Variants in ERGIC3 observed in about 807,000 individuals in gnomAD.
ERGIC3 encodes ERGIC and golgi 3, also known as endoplasmic reticulum-Golgi intermediate compartment protein 3.
A neutral mutation model predicts 54.7 loss-of-function variants in ERGIC3; 33 were observed. The ratio of observed to expected loss-of-function variants is 0.60; its 90% CI spans 0.46 to 0.81. ERGIC3 has a LOEUF of 0.81. Ranked by LOEUF, ERGIC3 falls within the 30% of genes least tolerant of loss-of-function variation. The pLI is 0.00. For synonymous variants in ERGIC3, 186 were observed against 189.8 expected (o/e 0.98, Z 0.16); for missense variants, 399 against 488.4 (o/e 0.82, Z 1.73).
chr20:35,553,020 A>ATTGTTTTTTTTTTTTTTTT (rs2064689768), intron 7 of ERGIC3, among the ~76,000 whole-genome samples: 1 of 41,552 alleles, frequency 2.4e-5, no homozygotes, highest in African/African-American at 8.3e-5. Flanking sequence ...AAAGCTGGGG[A>ATTGTTTTTTTTTTTTTTTT]TTTTTTTTTT....
intron 2 of ERGIC3, 24 bp from the exon 3 acceptor site, chr20:35,542,489 C>A (rs767473008): frequency 1.9e-6 from 3 of 1,613,938 alleles, no homozygotes; most frequent in Non-Finnish European, 2.5e-6. Context: ...GGGGCTAAGT[C>A]TTACTGAGGT....
intron 8 of ERGIC3, 80 bp downstream of exon 8, chr20:35,555,155 C>G: frequency 1.3e-6 from 2 of 1,514,520 alleles, no homozygotes; most frequent in Admixed American, 1.7e-5. Flanking sequence ...GTAGGAACAT[C>G]CTGGGATGGG....
At chr20:35,543,951 C>T (rs371091118) in intron 4 of ERGIC3, 19 of 320,062 alleles carry the variant, frequency 5.9e-5, no homozygotes, top group South Asian at 1.4e-4. Context: ...TTGGGTGATT[C>T]GGGATTAGGG....
intron 7 of ERGIC3, chr20:35,554,303 C>G (rs190866787): frequency 1.9e-6 from 3 of 1,594,544 alleles, no homozygotes; most frequent in African/African-American, 2.7e-5. Flanking sequence ...TGCAACATAT[C>G]TTGCTCTCAT....
intron 4 of ERGIC3, 125 bp downstream of exon 4, chr20:35,543,066 G>A (rs954230906): frequency 2.9e-5 from 42 of 1,438,934 alleles, no homozygotes; most frequent in Non-Finnish European, 3.5e-5. Flanking sequence ...GAAGTCAAGT[G>A]ACTTGCCTAG....
Position 35,542,877 on chromosome 20 carries a change from C to G in ERGIC3, c.303C>G (p.His101Gln). Residue 101 changes from histidine to glutamine, a missense_variant, in exon 4 of 13, where the codon CAC (histidine) becomes CAG (glutamine). Coordinates refer to ENST00000348547, the MANE Select transcript of ERGIC3 (RefSeq NM_015966.3). ...GAGAACAGCAGCTGGATGTGGAACA[C>G]AACCTGTTCAAGCAACGACTAGATA... ...VAGEQQLDVE[H>Q]NLFKQRLDKD... 1 of 1,614,106 alleles carries G rather than the reference C, an allele frequency of 6.2e-7. No homozygotes were observed. The highest frequency in any genetic ancestry group is 8.5e-7 in the Non-Finnish European group (1 of 1,180,010).
chr20:35,554,222 G>A (rs1489630993), intron 7 of ERGIC3: 1 of 1,019,770 alleles, frequency 9.8e-7, no homozygotes, highest in Admixed American at 1.7e-5. Flanking sequence ...TCTCGAGGAG[G>A]GGCCCAGAAG....
Position 35,542,893 on chromosome 20 carries a change from C to G in ERGIC3, c.319C>G (p.Arg107Gly), listed in dbSNP as rs1184510483. 6.2e-7 allele frequency: 1 copy of G among 1,613,952 alleles called. No homozygotes were observed. Among genetic ancestry groups the G allele is most frequent in the East Asian group, 2.2e-5 (1 of 44,904 alleles). ...LDVEHNLFKQ[R>G]LDKDGIPVSS... ...TGTGGAACACAACCTGTTCAAGCAA[C>G]GACTAGATAAAGATGGCATCCCCGT... The change falls in exon 4 of 13, where the codon CGA becomes GGA. Residue 107 changes from arginine to glycine, a missense_variant. Transcript: ENST00000348547.
At chr20:35,553,807 CAGT>C (rs2064696136) in intron 7 of ERGIC3, among the ~76,000 whole-genome samples, 1 of 152,186 alleles carries the variant, frequency 6.6e-6, no homozygotes. Context: ...GGCGGGCACT[CAGT>C]AGACACACAG....
intron 7 of ERGIC3, among the ~76,000 whole-genome samples, chr20:35,550,460 A>G (rs13041569): frequency 0.016 from 2,416 of 152,054 alleles, 52 homozygotes; most frequent in African/African-American, 0.055. Context: ...TACCAAAAAT[A>G]CAAAAATTAG....
At chr20:35,544,395 GTTCT>G (rs2064636042) in intron 4 of ERGIC3, 7 of 291,152 alleles carry the variant, frequency 2.4e-5, no homozygotes, top group South Asian at 1.7e-4. Flanking sequence ...CTGTCAAGGT[GTTCT>G]TTATTTCAGA....
chr20:35,557,121 G>A lies in ERGIC3; in HGVS notation c.1016+12G>A. The A allele has an allele frequency of 1.2e-6, 2 of 1,614,232 alleles. No individual in the cohort carries two copies. The highest frequency in any genetic ancestry group is 1.7e-6 in the Non-Finnish European group (2 of 1,180,024). ...ACGGAGAAGCACAGGTGAGGATGGG[G>A]GCAAAGCGGCCTCTGGGGGCCTGGG... On this transcript the variant is annotated intron_variant, in intron 11 of 12. Coordinates refer to ENST00000348547, the MANE Select transcript of ERGIC3 (RefSeq NM_015966.3).
intron 4 of ERGIC3, 125 bp from the exon 5 acceptor site, chr20:35,547,287 G>A (rs2064653699): frequency 2.9e-6 from 2 of 688,762 alleles, no homozygotes; most frequent in South Asian, 1.7e-5. Flanking sequence ...CCCGTAGCAT[G>A]TACTATATGA....
chr20:35,542,529 A>C lies in ERGIC3; in HGVS notation c.176A>C (p.Tyr59Ser), dbSNP rs758748253. 6.2e-7 allele frequency: 1 copy of C among 1,613,962 alleles called. No homozygotes were observed. The highest frequency in any genetic ancestry group is 1.3e-5 in the African/African-American group (1 of 74,994). ...YLTTEVHPELYVDKSRGDKLK... is the reference protein window; with the variant it reads ...YLTTEVHPELSVDKSRGDKLK... ...CTGCCCCAGGTGCATCCTGAGCTCT[A>C]CGTGGACAAGTCGCGGGGAGATAAA... is the stretch of plus-strand genomic sequence containing the variant. Residue 59 changes from tyrosine to serine, a missense_variant, in exon 3 of 13, where the codon TAC becomes TCC. Coordinates refer to ENST00000348547, the MANE Select transcript of ERGIC3 (RefSeq NM_015966.3).
chr20:35,543,658 C>T (rs753841861), intron 4 of ERGIC3: 2 of 471,046 alleles, frequency 4.2e-6, no homozygotes, highest in African/African-American at 2.0e-5. Flanking sequence ...GTTGTTTCAG[C>T]AGATTAATGC....
chr20:35,556,030 C>T lies in ERGIC3; in HGVS notation c.718-3C>T. ...GATGAGCTCTGGATGGTGTTGTTTA[C>T]AGATCAACATGACCCACTACATCCA... On this transcript the variant is annotated splice_region_variant and splice_polypyrimidine_tract_variant and intron_variant, in intron 8 of 12. Coordinates refer to ENST00000348547, the MANE Select transcript of ERGIC3 (RefSeq NM_015966.3). 1 of 1,613,766 alleles carries T rather than the reference C, an allele frequency of 6.2e-7. No individual in the cohort carries two copies. The highest frequency in any genetic ancestry group is 1.1e-5 in the South Asian group (1 of 91,076).
At position 35,542,201 on chromosome 20, in the gene ERGIC3, G is replaced by GC. The variant is rs757800070; in HGVS notation, c.88+18dup. On this transcript the variant is annotated intron_variant, in intron 1 of 12. Coordinates refer to ENST00000348547, the MANE Select transcript of ERGIC3 (RefSeq NM_015966.3). ...GGCGCCACCGGTAGGCCGCAGCGGG[G>GC]CCGGGGTCGCGTGGAGGGGGGCGTC... 1 of 1,584,356 alleles carries GC rather than the reference G, an allele frequency of 6.3e-7. No homozygotes were observed. The highest frequency in any genetic ancestry group is 8.6e-7 in the Non-Finnish European group (1 of 1,163,946).
intron 7 of ERGIC3, 135 bp downstream of exon 7, chr20:35,549,000 C>A: frequency 1.0e-6 from 1 of 969,074 alleles, no homozygotes; most frequent in Non-Finnish European, 1.6e-6. Flanking sequence ...CTCAGGGCAG[C>A]AGTTTGGCAC....
intron 10 of ERGIC3, 170 bp downstream of exon 10, chr20:35,556,441 C>A: frequency 1.5e-6 from 1 of 688,134 alleles, no homozygotes; most frequent in Non-Finnish European, 2.5e-6. Flanking sequence ...AGAGTGCAGG[C>A]CTGGGGCTGT....
Sources: allele counts gnomAD v4.1 joint callset (sites outside exome capture counted in the v4.1 genomes callset), GRCh38; gene constraint gnomAD v4.1.1; transcripts MANE v1.5; gene names NCBI Gene and HGNC (gene_info 2026-07-23, HGNC 2026-07-21).